HACE1: variants seen among roughly 807,000 people sequenced by gnomAD.
The protein encoded by HACE1 is HECT domain and ankyrin repeat containing E3 ubiquitin protein ligase 1, also known as E3 ubiquitin-protein ligase HACE1.
HACE1 carries 73 observed loss-of-function variants against 118.4 expected under a neutral mutation model. That is an observed-to-expected ratio of 0.62 (90% confidence interval 0.51 to 0.75). HACE1 has a LOEUF of 0.75. Among genes scored for constraint, HACE1 ranks in the 30% least tolerant of loss-of-function variants. The pLI, the probability that HACE1 is intolerant of heterozygous loss-of-function variation, is 0.00. For missense variants in HACE1, 749 were observed against 1,102.2 expected, an observed-to-expected ratio of 0.68 and a Z score of 4.54; for synonymous variants, 368 against 374.8, an observed-to-expected ratio of 0.98 and a Z score of 0.21.
intron 17 of HACE1, among the ~76,000 whole-genome samples, chr6:104,774,301 G>A (rs1361752244): frequency 7.7e-6 from 1 of 129,758 alleles, no homozygotes; most frequent in East Asian, 2.0e-4. Flanking sequence ...CGTTTTAGCC[G>A]GGATGGTCTC....
chr6:104,826,622 T>C (rs4580907), intron 6 of HACE1, among the ~76,000 whole-genome samples: 4 of 152,206 alleles, frequency 2.6e-5, no homozygotes, highest in Admixed American at 6.5e-5. Context: ...TTAAGCGCAG[T>C]GGCTTACAAT....
In HACE1 at chr6:104,811,327, A is replaced by G; in HGVS notation, c.601T>C (p.Leu201=). The change falls in exon 7 of 24, where the codon TTG becomes CTG. Residue 201 remains leucine (L), a synonymous_variant. Coordinates refer to ENST00000262903, the MANE Select transcript of HACE1 (RefSeq NM_020771.4). The stretch of plus-strand genomic sequence containing the variant: ...ATATCATACCTGCAAGCAAAGTACA[A>G]TGGAGTTGCTCCTGATACATTTGGC... The part of the protein sequence containing the change: ...NRPNVSGATP[L]YFACSHGQRD... 1 of 1,458,048 alleles carries G rather than the reference A, an allele frequency of 6.9e-7. No individual in the cohort carries two copies. The highest frequency in any genetic ancestry group is 9.6e-7 in the Non-Finnish European group (1 of 1,042,116). The allele number at this position is 1,458,048 out of a possible 1,614,324, so 90.3% of individuals were successfully genotyped here.
At chr6:104,788,312 T>C (rs934575624) in intron 11 of HACE1, among the ~76,000 whole-genome samples, 10 of 152,108 alleles carry the variant, frequency 6.6e-5, no homozygotes, top group Non-Finnish European at 1.3e-4. Flanking sequence ...TTCATTATTA[T>C]TGAGTGATCC....
At chr6:104,752,441 A>G (rs1778162228) in intron 19 of HACE1, among the ~76,000 whole-genome samples, 1 of 152,026 alleles carries the variant, frequency 6.6e-6, no homozygotes, top group South Asian at 2.1e-4. Context: ...GGATGTACTA[A>G]AAGTTTTCTG....
rs569328566 is a variant in HACE1, at chr6:104,841,476, C to T, written c.402+1747G>A. Reference sequence around the variant, plus strand: ...ACGTACCGTGTCACTAAGCATCCTACGGATATTCAGAATACAGTCTTTCCT... The same window carrying T: ...ACGTACCGTGTCACTAAGCATCCTATGGATATTCAGAATACAGTCTTTCCT... On this transcript the variant is annotated intron_variant, in intron 5 of 23. Transcript: ENST00000262903. Among the ~76,000 whole-genome samples the T allele has an allele frequency of 7.9e-5, 12 of 152,114 alleles. No homozygotes were observed. In the East Asian group the frequency reaches 1.2e-3, roughly 15 times the overall value.
chr6:104,844,601 C>G (rs911156356), intron 4 of HACE1, among the ~76,000 whole-genome samples: 4 of 150,268 alleles, frequency 2.7e-5, no homozygotes, highest in African/African-American at 9.8e-5. Flanking sequence ...CCCACCCCCC[C>G]AAGCCTCCCA....
intron 20 of HACE1, 88 bp from the exon 21 acceptor site, chr6:104,744,698 C>T (rs1777213117): frequency 1.3e-6 from 1 of 763,590 alleles, no homozygotes; most frequent in East Asian, 2.7e-5. Flanking sequence ...TAATTAGAAA[C>T]TAATCCCATG....
At chr6:104,838,102 G>A (rs1487716593) in intron 5 of HACE1, among the ~76,000 whole-genome samples, 2 of 152,090 alleles carry the variant, frequency 1.3e-5, no homozygotes, top group Non-Finnish European at 2.9e-5. Flanking sequence ...AGGGTTGGAA[G>A]AATCAATACT....
chr6:104,849,254 A>T lies in HACE1; in HGVS notation c.222-8T>A, dbSNP rs1283978918. 1 of 1,518,840 alleles carries T rather than the reference A, an allele frequency of 6.6e-7. No individual in the cohort carries two copies. The highest frequency in any genetic ancestry group is 9.1e-7 in the Non-Finnish European group (1 of 1,093,164). 94.1% of individuals were successfully genotyped at this position (1,518,840 alleles called of 1,614,324 possible). A position where few individuals can be genotyped will look rare whatever the true frequency, so the allele number is the denominator to read the frequency against. Reference sequence around the variant, plus strand: ...CATTCCACCGATCCACAACTAAAACAATATTAAAAGACAGTTCAGATACAT... The same window carrying T: ...CATTCCACCGATCCACAACTAAAACTATATTAAAAGACAGTTCAGATACAT... On this transcript the variant is annotated splice_region_variant and splice_polypyrimidine_tract_variant and intron_variant, in intron 3 of 23. Coordinates refer to ENST00000262903, the MANE Select transcript of HACE1 (RefSeq NM_020771.4).
intron 1 of HACE1, 89 bp from the exon 2 acceptor site, chr6:104,852,460 T>C (rs2114330203): frequency 2.5e-6 from 2 of 790,656 alleles, no homozygotes; most frequent in South Asian, 1.5e-5. Flanking sequence ...CCTAACTCTA[T>C]ACAAAAAGCG....
At chr6:104,845,831 A>G (rs1775618304) in intron 4 of HACE1, 1 of 152,154 alleles carries the variant, frequency 6.6e-6, no homozygotes. Flanking sequence ...TATCTAACAC[A>G]CTGTTAGGAA....
intron 11 of HACE1, chr6:104,785,814 A>C (rs56245435): frequency 2.0e-3 from 306 of 152,992 alleles, no homozygotes; most frequent in Admixed American, 3.1e-3. Flanking sequence ...CAATTAAACA[A>C]ATGTCTTTTT....
At chr6:104,796,863 A>G (rs1769701071) in intron 8 of HACE1, 66 bp downstream of exon 8, 6 of 1,155,754 alleles carry the variant, frequency 5.2e-6, no homozygotes, top group African/African-American at 1.5e-5. Flanking sequence ...TGAAAAAATA[A>G]TAATTTTTAC....
At chr6:104,732,096 T>C (rs887945180) in intron 22 of HACE1, 4 of 152,104 alleles carry the variant, frequency 2.6e-5, no homozygotes, top group Non-Finnish European at 5.9e-5. Flanking sequence ...TGTGGAGAAA[T>C]TGCTGCTGGG....
At chr6:104,793,559 T>C (rs1354337619) in intron 10 of HACE1, among the ~76,000 whole-genome samples, 1 of 152,178 alleles carries the variant, frequency 6.6e-6, no homozygotes, top group East Asian at 1.9e-4. Context: ...GCTACAAATT[T>C]TTCCAAAAGT....
chr6:104,831,984 A>AGAAGAGG (rs201781305), intron 6 of HACE1, among the ~76,000 whole-genome samples: 2,144 of 58,530 alleles, frequency 0.037, 104 homozygotes, highest in Non-Finnish European at 0.05. Context: ...AGAAGAGAGG[A>AGAAGAGG]AGGAAGGAAG....
At chr6:104,789,000 T>G (rs576871536) in intron 11 of HACE1, among the ~76,000 whole-genome samples, 1 of 152,108 alleles carries the variant, frequency 6.6e-6, no homozygotes, top group Non-Finnish European at 1.5e-5. Context: ...GAAATGGAAA[T>G]TAGGGATCAA....
At chr6:104,810,856 A>C (rs1383704532) in intron 7 of HACE1, among the ~76,000 whole-genome samples, 1 of 152,112 alleles carries the variant, frequency 6.6e-6, no homozygotes, top group South Asian at 2.1e-4. Flanking sequence ...CAGAGAAAGA[A>C]AAGACATGGC....
At chr6:104,840,317 T>C (rs780366032) in intron 5 of HACE1, among the ~76,000 whole-genome samples, 5 of 152,122 alleles carry the variant, frequency 3.3e-5, no homozygotes, top group Admixed American at 6.5e-5. Flanking sequence ...AAAAAAATAA[T>C]AACACACAAA....
Sources: gnomAD v4.1 joint callset for allele counts (sites outside exome capture counted in the v4.1 genomes callset) on GRCh38, gnomAD v4.1.1 for gene constraint, MANE v1.5 for transcripts, NCBI Gene and HGNC (gene_info 2026-07-23, HGNC 2026-07-21) for gene names.